Variants in CPNE5 observed in about 807,000 individuals in gnomAD.
CPNE5 encodes the protein copine-5.
A neutral mutation model predicts 81.1 loss-of-function variants in CPNE5; 42 were observed. The ratio of observed to expected loss-of-function variants is 0.52; its 90% CI spans 0.40 to 0.67. The LOEUF is 0.67. Ranked by LOEUF, CPNE5 falls within the 30% of genes least tolerant of loss-of-function variation. The pLI, the probability that CPNE5 is intolerant of heterozygous loss-of-function variation, is 0.00. For synonymous variants in CPNE5, 313 were observed against 321.5 expected (o/e 0.97, Z 0.28); for missense variants, 612 against 815.5 (o/e 0.75, Z 3.04).
chr6:36,836,596 G>C (rs1277770440), intron 1 of CPNE5, among the ~76,000 whole-genome samples: 4 of 152,212 alleles, frequency 2.6e-5, no homozygotes, highest in Non-Finnish European at 5.9e-5. Flanking sequence ...GCCCAGGGCA[G>C]AGCCTCCCCA....
rs557903217 is a variant in CPNE5 at position 36,743,217 on chromosome 6, G to T, written c.1563+472C>A. ...GCTTGCGGAGGGTGCATTCTTCCAC[G>T]TGAGACTGCATGGGAATTCCCTGAG... On this transcript the variant is annotated intron_variant, in intron 20 of 20. Transcript: ENST00000244751. 8 of 985,278 alleles carry T rather than the reference G, an allele frequency of 8.1e-6. No homozygotes were observed. The African/African-American group carries it at 8.7e-5, about 11-fold the overall frequency. The allele number at this position is 985,278 out of a possible 1,614,324, so 61.0% of individuals were successfully genotyped here.
chr6:36,814,036 G>T (rs991222985), intron 3 of CPNE5, among the ~76,000 whole-genome samples: 1 of 152,188 alleles, frequency 6.6e-6, no homozygotes, highest in African/African-American at 2.4e-5. Flanking sequence ...CATACAGTTA[G>T]TAAATATCAG....
rs74708720 is a variant in CPNE5 at position 36,835,358 on chromosome 6, G to A, written c.95+3925C>T. Among the ~76,000 whole-genome samples, 1,048 of 152,360 alleles carry A rather than the reference G, an allele frequency of 6.9e-3. 4 individuals carry two copies. Among genetic ancestry groups the A allele is most frequent in the South Asian group, 0.02 (97 of 4,830 alleles). ...TCGGCAGGATGGCTCACACAGTCAGGAAGGGTCTAGAACAGGCCATCAGAG... is the reference window on the plus strand; with the variant it reads ...TCGGCAGGATGGCTCACACAGTCAGAAAGGGTCTAGAACAGGCCATCAGAG... On this transcript the variant is annotated intron_variant, in intron 1 of 20. Coordinates refer to ENST00000244751, the MANE Select transcript of CPNE5 (RefSeq NM_020939.2).
intron 3 of CPNE5, among the ~76,000 whole-genome samples, chr6:36,808,606 C>A (rs1582966718): frequency 6.6e-6 from 1 of 152,236 alleles, no homozygotes; most frequent in East Asian, 1.9e-4. Flanking sequence ...TGAGACACCC[C>A]CTGAGAGGGT....
intron 9 of CPNE5, among the ~76,000 whole-genome samples, chr6:36,777,753 AC>A (rs35760836): frequency 0.6 from 68,028 of 113,196 alleles, 20,941 homozygotes; most frequent in East Asian, 0.81. Context: ...TCCCCTGCCT[AC>A]CCCCCCCCCC....
At chr6:36,788,092 G>A (rs115506283) in intron 8 of CPNE5, among the ~76,000 whole-genome samples, 2 of 149,548 alleles carry the variant, frequency 1.3e-5, no homozygotes, top group South Asian at 2.1e-4. Context: ...GTGCACTGGT[G>A]CAATCATGGT....
intron 3 of CPNE5, among the ~76,000 whole-genome samples, 197 bp from the exon 4 acceptor site, chr6:36,800,267 A>G (rs6909185): frequency 0.014 from 2,122 of 152,306 alleles, 42 homozygotes; most frequent in African/African-American, 0.047. Context: ...AGCCATGTAC[A>G]GTATGGCTCC....
At chr6:36,826,394 C>T (rs1361570188) in intron 1 of CPNE5, among the ~76,000 whole-genome samples, 1 of 152,208 alleles carries the variant, frequency 6.6e-6, no homozygotes, top group Non-Finnish European at 1.5e-5. Context: ...CTCTTCCCCA[C>T]TCTGCTGAAA....
chr6:36,773,779 G>T (rs1420175839), intron 10 of CPNE5, among the ~76,000 whole-genome samples: 2 of 151,092 alleles, frequency 1.3e-5, no homozygotes, highest in Non-Finnish European at 3.0e-5. Context: ...CAGGTATCTG[G>T]TATCTACACT....
At chr6:36,779,976 T>G (rs1767887681) in intron 8 of CPNE5, among the ~76,000 whole-genome samples, 1 of 151,586 alleles carries the variant, frequency 6.6e-6, no homozygotes, top group Non-Finnish European at 1.5e-5. Flanking sequence ...CTATTTTTTT[T>G]TTTTTTTGAG....
At chr6:36,772,773 C>T (rs1266130917) in intron 10 of CPNE5, among the ~76,000 whole-genome samples, 1 of 152,234 alleles carries the variant, frequency 6.6e-6, no homozygotes, top group Non-Finnish European at 1.5e-5. Flanking sequence ...CTGATCATCC[C>T]CTCAACATGC....
chr6:36,745,508 T>C lies in CPNE5; in HGVS notation c.1208A>G (p.Asn403Ser), dbSNP rs1298962881. 8 of 1,599,536 alleles carry C rather than the reference T, an allele frequency of 5.0e-6. No individual in the cohort carries two copies. The highest frequency in any genetic ancestry group is 6.8e-6 in the Non-Finnish European group (8 of 1,173,362). ...RVSHEFPLNGNQENPSCCGID... is the reference protein window; with the variant it reads ...RVSHEFPLNGSQENPSCCGID... ...GCCACAGCATGAGGGGTTCTCCTGG[T>C]TGCCATTCTGGGGGACAGAGGGCAG... Residue 403 changes from asparagine (N) to serine (S), a missense_variant, in exon 17 of 21, where the codon AAC (asparagine) becomes AGC (serine). Transcript: ENST00000244751.
In CPNE5 at chr6:36,835,403, C is replaced by T. The variant is rs530286935; in HGVS notation, c.95+3880G>A. ...TCAGAGGAAGGAAGAGCTCTTGGCT[C>T]GAGGGAGGAGGGTCTTTAAAGTCAC... On this transcript the variant is annotated intron_variant, in intron 1 of 20. Transcript: ENST00000244751. Among the ~76,000 whole-genome samples, 16 of 152,168 alleles carry T rather than the reference C, an allele frequency of 1.1e-4. No individual in the cohort carries two copies. In the South Asian group the frequency reaches 2.1e-3, roughly 20 times the overall value.
intron 1 of CPNE5, among the ~76,000 whole-genome samples, chr6:36,823,649 G>C (rs1274997880): frequency 6.6e-6 from 1 of 152,142 alleles, no homozygotes; most frequent in Admixed American, 6.5e-5. Flanking sequence ...GCTAACACAT[G>C]GCTCTGATAA....
Position 36,766,073 on chromosome 6 carries a change from G to A in CPNE5, c.738-697C>T, listed in dbSNP as rs1213342906. On this transcript the variant is annotated intron_variant, in intron 10 of 20. Coordinates refer to ENST00000244751, the MANE Select transcript of CPNE5 (RefSeq NM_020939.2). This position sits in a 1 kb window ranked among gnomAD's most constrained non-coding sequence, Gnocchi z 4.2. Reference sequence around the variant, plus strand: ...CAGAGCTGGGAGGAGGGAGGTGGAGGGTTGCGGTTAACCCTTGGTGCCAGC... The same window carrying A: ...CAGAGCTGGGAGGAGGGAGGTGGAGAGTTGCGGTTAACCCTTGGTGCCAGC... Among the ~76,000 whole-genome samples, 1 of 152,160 alleles carries A rather than the reference G, an allele frequency of 6.6e-6. No homozygotes were observed. Among genetic ancestry groups the A allele is most frequent in the Admixed American group, 6.5e-5 (1 of 15,288 alleles).
chr6:36,792,670 A>G (rs1001921268), intron 7 of CPNE5, among the ~76,000 whole-genome samples: 4 of 152,104 alleles, frequency 2.6e-5, no homozygotes, highest in Non-Finnish European at 5.9e-5. Flanking sequence ...ATCCCAGCCG[A>G]CTGTGCAGCT....
chr6:36,786,134 A>C (rs1768524930), intron 8 of CPNE5, among the ~76,000 whole-genome samples: 2 of 152,112 alleles, frequency 1.3e-5, no homozygotes, highest in Non-Finnish European at 2.9e-5. Flanking sequence ...TTTTAGTCAG[A>C]AAAAAATAAG....
At chr6:36,807,922 C>G (rs1291172929) in intron 3 of CPNE5, among the ~76,000 whole-genome samples, 1 of 152,218 alleles carries the variant, frequency 6.6e-6, no homozygotes, top group African/African-American at 2.4e-5. Flanking sequence ...CTCACTGTGG[C>G]CACCAGCAGG....
chr6:36,747,834 G>A (rs1764350343), intron 15 of CPNE5, among the ~76,000 whole-genome samples: 1 of 152,212 alleles, frequency 6.6e-6, no homozygotes, highest in Admixed American at 6.5e-5. Context: ...CTGCCTCCCT[G>A]AACACCACAG....
Sources: gnomAD v4.1 joint callset for allele counts (sites outside exome capture counted in the v4.1 genomes callset) on GRCh38, gnomAD v4.1.1 for gene constraint, Gnocchi (gnomAD v3.1) non-coding constraint, MANE v1.5 for transcripts, NCBI Gene and HGNC (gene_info 2026-07-23, HGNC 2026-07-21) for gene names.